Variants in ZNF438 observed in about 807,000 individuals in gnomAD.
ZNF438 encodes the protein zinc finger protein 438.
A neutral mutation model predicts 38.0 loss-of-function variants in ZNF438; 25 were observed. That is an observed-to-expected ratio of 0.66 (90% CI 0.48 to 0.92). The LOEUF (loss-of-function observed/expected upper bound fraction) is 0.92. ZNF438 is among the 40% of genes least tolerant of loss of function. The pLI, the probability that ZNF438 is intolerant of heterozygous loss-of-function variation, is 0.00. For missense variants in ZNF438, 1,007 were observed against 999.6 expected (o/e 1.01, Z -0.10); for synonymous variants, 372 against 364.1 (o/e 1.02, Z -0.25).
chr10:30,869,695 C>G (rs1040643513), intron 4 of ZNF438, among the ~76,000 whole-genome samples: 10 of 152,200 alleles, frequency 6.6e-5, no homozygotes, highest in Admixed American at 3.3e-4. Flanking sequence ...AAGTAGTTAA[C>G]CAAAACCAGC....
intron 1 of ZNF438, among the ~76,000 whole-genome samples, chr10:31,001,766 T>G (rs2054682936): frequency 6.6e-6 from 1 of 152,204 alleles, no homozygotes; most frequent in Non-Finnish European, 1.5e-5. Flanking sequence ...CATTAAAACA[T>G]TCACCAAAAT....
chr10:30,995,899 C>T lies in ZNF438; in HGVS notation c.-192+35934G>A, dbSNP rs1367032686. Among the ~76,000 whole-genome samples, 13 of 152,000 alleles carry T rather than the reference C, an allele frequency of 8.6e-5. 1 individual carries two copies. The highest frequency in any genetic ancestry group is 8.5e-4 in the Admixed American group (13 of 15,260). Reference sequence around the variant, plus strand: ...CCCTTGTCTCAGCTTCTTCAAAAGACATAAAGTAAAAATTACAACAGTGTG... The same window carrying T: ...CCCTTGTCTCAGCTTCTTCAAAAGATATAAAGTAAAAATTACAACAGTGTG... On this transcript the variant is annotated intron_variant, in intron 1 of 5. Transcript: ENST00000413025.
intron 2 of ZNF438, among the ~76,000 whole-genome samples, chr10:30,911,347 G>A (rs2043061216): frequency 6.6e-6 from 1 of 152,142 alleles, no homozygotes; most frequent in Non-Finnish European, 1.5e-5. Context: ...TGAATAAACT[G>A]TTCTCTAAAA....
chr10:30,918,590 C>A (rs976356940), intron 2 of ZNF438, among the ~76,000 whole-genome samples: 1 of 152,050 alleles, frequency 6.6e-6, no homozygotes, highest in Non-Finnish European at 1.5e-5. Context: ...CATTTTCACT[C>A]CTTGGAAACA....
At position 30,849,821 on chromosome 10, in the gene ZNF438, G is replaced by A. The variant is rs1233434150; in HGVS notation, c.584C>T (p.Thr195Ile). 1.9e-6 allele frequency: 3 copies of A among 1,614,172 alleles called. No homozygotes were observed. In the South Asian group the frequency reaches 3.3e-5, roughly 18 times the overall value. Residue 195 changes from threonine to isoleucine, a missense_variant, in exon 5 of 6, where the codon ACC (threonine) becomes ATC (isoleucine). Physicochemically the swap from Thr to Ile is moderately conservative, Grantham distance 89. Coordinates refer to ENST00000413025, the Ensembl canonical transcript of ZNF438. ...CAAGTCCCCATGGTCACTTCCATTG[G>A]TCAGCGCAGCTGTGCTAATGCTGGC...
intron 3 of ZNF438, among the ~76,000 whole-genome samples, chr10:30,906,290 A>G (rs1159786218): frequency 1.3e-5 from 2 of 152,100 alleles, no homozygotes; most frequent in Non-Finnish European, 2.9e-5. Flanking sequence ...TTATTTGTAA[A>G]TATTTATTCC....
intron 1 of ZNF438, among the ~76,000 whole-genome samples, chr10:31,013,219 T>TTC (rs1381622730): frequency 2.0e-5 from 3 of 151,784 alleles, no homozygotes; most frequent in African/African-American, 7.3e-5. Context: ...CTCGGGAGGC[T>TTC]GAGGCAGGAG....
intron 1 of ZNF438, among the ~76,000 whole-genome samples, chr10:30,945,402 A>T (rs202030618): frequency 2.2e-3 from 269 of 122,284 alleles, no homozygotes; most frequent in African/African-American, 5.3e-3. Flanking sequence ...TTTTTTTTTT[A>T]TTTTTTTTTA....
At chr10:30,955,767 G>T (rs1302644415) in intron 1 of ZNF438, among the ~76,000 whole-genome samples, 1 of 152,084 alleles carries the variant, frequency 6.6e-6, no homozygotes, top group Non-Finnish European at 1.5e-5. Flanking sequence ...TGAATATTGG[G>T]GCATTTTATT....
chr10:30,907,629 A>C (rs980005209), intron 3 of ZNF438, among the ~76,000 whole-genome samples: 1 of 152,104 alleles, frequency 6.6e-6, no homozygotes, highest in South Asian at 2.1e-4. Context: ...ATTTCATCTA[A>C]GTCACCAAAT....
At chr10:30,950,200 C>T (rs1451104299) in intron 1 of ZNF438, among the ~76,000 whole-genome samples, 12 of 151,092 alleles carry the variant, frequency 7.9e-5, no homozygotes, top group Admixed American at 2.0e-4. Context: ...TTGAAACCAA[C>T]GAGAACAAAG....
At chr10:30,914,052 GC>G (rs2043338453) in intron 2 of ZNF438, among the ~76,000 whole-genome samples, 1 of 152,052 alleles carries the variant, frequency 6.6e-6, no homozygotes, top group Admixed American at 6.6e-5. Context: ...TTTTATGTGT[GC>G]GTATAAACTA....
intron 4 of ZNF438, among the ~76,000 whole-genome samples, chr10:30,869,671 C>T (rs2037076055): frequency 6.6e-6 from 1 of 152,140 alleles, no homozygotes. Context: ...CAGAAAGTTC[C>T]AATTTCCAAC....
At chr10:30,961,241 T>A (rs1260232666) in intron 1 of ZNF438, among the ~76,000 whole-genome samples, 6 of 134,404 alleles carry the variant, frequency 4.5e-5, no homozygotes, top group Non-Finnish European at 8.4e-5. Flanking sequence ...GTATAATAAA[T>A]AAAAAAAAAA....
chr10:30,856,699 G>C (rs1021267179), intron 4 of ZNF438, among the ~76,000 whole-genome samples: 3 of 152,172 alleles, frequency 2.0e-5, no homozygotes, highest in African/African-American at 7.2e-5. Context: ...CACAGTTAAA[G>C]AGACTCACAG....
At chr10:30,924,998 C>G (rs544767659) in intron 2 of ZNF438, among the ~76,000 whole-genome samples, 1 of 152,260 alleles carries the variant, frequency 6.6e-6, no homozygotes, top group Admixed American at 6.5e-5. Context: ...GTTGTTGCTG[C>G]TCGTCTATAG....
At chr10:30,853,007 T>C (rs975355379) in intron 4 of ZNF438, among the ~76,000 whole-genome samples, 3 of 152,062 alleles carry the variant, frequency 2.0e-5, no homozygotes, top group Non-Finnish European at 4.4e-5. Flanking sequence ...AAGTCATAAA[T>C]AAACACTTTA....
chr10:30,857,258 CTTTT>C lies in ZNF438; in HGVS notation c.38-6895_38-6892del, dbSNP rs10682942. Among the ~76,000 whole-genome samples the C allele has an allele frequency of 5.2e-5, 7 of 135,900 alleles. No individual in the cohort carries two copies. In the East Asian group the frequency reaches 8.4e-4, roughly 16 times the overall value. 89.2% of individuals were successfully genotyped at this position (135,900 alleles called of 152,430 possible). ...AATGGCTTGTCATATTCTAAAATTT[CTTTT>C]TTTTTTTTTTTTGAGACACAGTCTT... is the stretch of plus-strand genomic sequence containing the variant. On this transcript the variant is annotated intron_variant, in intron 4 of 5. Coordinates refer to ENST00000413025, the Ensembl canonical transcript of ZNF438.
chr10:31,014,762 C>A (rs774066599), intron 1 of ZNF438, among the ~76,000 whole-genome samples: 1 of 152,052 alleles, frequency 6.6e-6, no homozygotes, highest in Non-Finnish European at 1.5e-5. Context: ...ATAAGATAAA[C>A]GCTTAAAACA....
Sources: gnomAD v4.1 joint callset for allele counts (sites outside exome capture counted in the v4.1 genomes callset) on GRCh38, gnomAD v4.1.1 for gene constraint, MANE v1.5 for transcripts, NCBI Gene and HGNC (gene_info 2026-07-23, HGNC 2026-07-21) for gene names.